Variants in PNPT1 observed in about 807,000 individuals in gnomAD.
The protein encoded by PNPT1 is polyribonucleotide nucleotidyltransferase 1.
In PNPT1, 53 loss-of-function variants were observed where a neutral mutation model predicts 119.5. That is an observed-to-expected ratio of 0.44 (90% CI 0.36 to 0.56). PNPT1 has a LOEUF of 0.56. Ranked by LOEUF, PNPT1 falls within the 20% of genes least tolerant of loss-of-function variation. PNPT1 has a pLI of 0.00. For synonymous variants in PNPT1, 357 were observed against 322.1 expected (o/e 1.11, Z -1.16); for missense variants, 948 against 938.5 (o/e 1.01, Z -0.13).
chr2:55,674,635 G>C (rs1697010059), intron 8 of PNPT1, among the ~76,000 whole-genome samples: 1 of 152,082 alleles, frequency 6.6e-6, no homozygotes, highest in South Asian at 2.1e-4. Context: ...TAAATACAGA[G>C]CAATAAGCTT....
At chr2:55,672,816 C>T in intron 9 of PNPT1, 77 bp downstream of exon 9, 3 of 1,359,652 alleles carry the variant, frequency 2.2e-6, no homozygotes, top group Non-Finnish European at 3.0e-6. Context: ...GGCAGTGCTT[C>T]CATGGGAAGT....
chr2:55,672,142 C>G (rs1400548227), intron 9 of PNPT1, 96 bp from the exon 10 acceptor site: 1 of 894,154 alleles, frequency 1.1e-6, no homozygotes, highest in Non-Finnish European at 1.7e-6. Flanking sequence ...TAATAATCAG[C>G]TAAAACTTTA....
intron 3 of PNPT1, 119 bp downstream of exon 3, chr2:55,686,251 A>C: frequency 1.2e-6 from 1 of 858,106 alleles, no homozygotes; most frequent in Non-Finnish European, 1.8e-6. Flanking sequence ...AAAAACTAGG[A>C]AAAATTCTTT....
chr2:55,636,831 CAG>C (rs1281834065), intron 27 of PNPT1, among the ~76,000 whole-genome samples: 4 of 152,074 alleles, frequency 2.6e-5, no homozygotes, highest in Non-Finnish European at 4.4e-5. Flanking sequence ...AAATGAAAGT[CAG>C]GGGCAAATGC....
At chr2:55,674,307 A>G (rs2104132393) in intron 8 of PNPT1, among the ~76,000 whole-genome samples, 1 of 152,336 alleles carries the variant, frequency 6.6e-6, no homozygotes, top group East Asian at 1.9e-4. Flanking sequence ...AAGAATAAAT[A>G]TAGAGGCTGA....
In PNPT1 at chr2:55,666,861, G is replaced by A. The variant is rs922892315; in HGVS notation, c.1176+130C>T. The A allele has an allele frequency of 8.2e-5, 47 of 575,084 alleles. No individual in the cohort carries two copies. The Middle Eastern group carries it at 2.4e-3, about 30-fold the overall frequency. 35.6% of individuals were successfully genotyped at this position (575,084 alleles called of 1,614,324 possible). A position where few individuals can be genotyped will look rare whatever the true frequency, so the allele number is the denominator to read the frequency against. On this transcript the variant is annotated intron_variant, in intron 13 of 27. Coordinates refer to ENST00000447944, the MANE Select transcript of PNPT1 (RefSeq NM_033109.5). ...GTCTCAAACAAAACAAACAAGAACCGCCAGATATTAATTTAAATAAATAAT... is the reference window on the plus strand; with the variant it reads ...GTCTCAAACAAAACAAACAAGAACCACCAGATATTAATTTAAATAAATAAT...
At chr2:55,636,732 A>G (rs563756995) in intron 27 of PNPT1, among the ~76,000 whole-genome samples, 1 of 152,308 alleles carries the variant, frequency 6.6e-6, no homozygotes, top group African/African-American at 2.4e-5. Flanking sequence ...ATTGTGTTAT[A>G]TACTATAGAG....
intron 25 of PNPT1, 85 bp from the exon 26 acceptor site, chr2:55,640,790 GA>G: frequency 2.1e-6 from 2 of 965,392 alleles, no homozygotes; most frequent in South Asian, 1.6e-5. Context: ...TTCATATGAG[GA>G]AAAAGTAAAA....
chr2:55,638,895 C>G (rs1025408240), intron 26 of PNPT1, among the ~76,000 whole-genome samples: 1 of 151,980 alleles, frequency 6.6e-6, no homozygotes, highest in Non-Finnish European at 1.5e-5. Flanking sequence ...CTGCCTCAGC[C>G]TCCAGAGTAG....
intron 25 of PNPT1, among the ~76,000 whole-genome samples, chr2:55,641,728 G>C (rs1695838621): frequency 6.6e-6 from 1 of 151,640 alleles, no homozygotes. Context: ...ATTTCAAATA[G>C]CTTTGAACAT....
In PNPT1 at chr2:55,636,147, C is replaced by A. The variant is rs909915187; in HGVS notation, c.*90G>T. Reference sequence around the variant, plus strand: ...AAATGTATTTATATTATATAGAAATCTACACAATGGAAGATACTACTAAAA... The same window carrying A: ...AAATGTATTTATATTATATAGAAATATACACAATGGAAGATACTACTAAAA... On this transcript the variant is annotated 3_prime_UTR_variant, in exon 28 of 28. Transcript: ENST00000447944. The A allele has an allele frequency of 1.1e-6, 1 of 883,578 alleles. No homozygotes were observed. Among genetic ancestry groups the A allele is most frequent in the African/African-American group, 1.7e-5 (1 of 59,260 alleles). The allele number at this position is 883,578 out of a possible 1,614,324, so 54.7% of individuals were successfully genotyped here.
intron 14 of PNPT1, among the ~76,000 whole-genome samples, chr2:55,661,483 CTT>C (rs1696575345): frequency 1.3e-5 from 2 of 152,158 alleles, no homozygotes; most frequent in African/African-American, 4.8e-5. Context: ...TTACTGTTGA[CTT>C]TTTAGGGGCA....
chr2:55,691,878 A>ATATATTTTTTTT (rs1326804958), intron 1 of PNPT1, among the ~76,000 whole-genome samples: 5 of 33,122 alleles, frequency 1.5e-4, no homozygotes, highest in South Asian at 1.8e-3. Context: ...ATATATATAT[A>ATATATTTTTTTT]TTTTTTTTTT....
intron 8 of PNPT1, among the ~76,000 whole-genome samples, chr2:55,675,231 C>T (rs1270579882): frequency 6.6e-6 from 1 of 151,754 alleles, no homozygotes; most frequent in Non-Finnish European, 1.5e-5. Flanking sequence ...CATGATCACG[C>T]CACTATACTC....
Position 55,684,519 on chromosome 2 carries a change from T to C in PNPT1, c.403+424A>G, listed in dbSNP as rs190425087. ...ATAAATTACATATGATCCCACAATA[T>C]GTAGGGATGTTAAAGATTTGAAAGA... On this transcript the variant is annotated intron_variant, in intron 4 of 27. Coordinates refer to ENST00000447944, the MANE Select transcript of PNPT1 (RefSeq NM_033109.5). 8.9e-4 allele frequency among the ~76,000 whole-genome samples: 136 copies of C among 152,294 alleles called. 2 individuals carry two copies. Among genetic ancestry groups the C allele is most frequent in the Middle Eastern group, 3.4e-3 (1 of 294 alleles).
chr2:55,636,537 C>T (rs1003083696), intron 27 of PNPT1, 145 bp from the exon 28 acceptor site: 69 of 779,018 alleles, frequency 8.9e-5, no homozygotes, highest in Non-Finnish European at 1.3e-4. Context: ...GCTAAGTGGA[C>T]GTATACACTT....
intron 18 of PNPT1, among the ~76,000 whole-genome samples, chr2:55,653,922 C>T (rs368586272): frequency 2.6e-4 from 40 of 152,164 alleles, no homozygotes; most frequent in African/African-American, 7.5e-4. Context: ...TCTTTCTTCT[C>T]GAATAGCAGC....
Position 55,644,652 on chromosome 2 carries a change from G to GT in PNPT1, c.1890dup (p.Leu631ThrfsTer4), listed in dbSNP as rs1250090914. 2 of 1,609,678 alleles carry GT rather than the reference G, an allele frequency of 1.2e-6. No homozygotes were observed. Among genetic ancestry groups the GT allele is most frequent in the Non-Finnish European group, 1.7e-6 (2 of 1,176,432 alleles). The stretch of plus-strand genomic sequence containing the variant: ...CAACTCTTACCTGTTTCAGCCTGAA[G>GT]TTTTTTTAAGTTATAGCCACCAGGT... On this transcript the variant is annotated frameshift_variant, in exon 23 of 28. Transcript: ENST00000447944. LOFTEE classifies it high-confidence loss of function.
chr2:55,684,457 C>A (rs1047065919), intron 4 of PNPT1, among the ~76,000 whole-genome samples: 3 of 152,106 alleles, frequency 2.0e-5, no homozygotes, highest in African/African-American at 7.2e-5. Context: ...GAGCAAGACT[C>A]TGTCTCAAAA....
Sources: allele counts gnomAD v4.1 joint callset (sites outside exome capture counted in the v4.1 genomes callset), GRCh38; gene constraint gnomAD v4.1.1; transcripts MANE v1.5; gene names NCBI Gene and HGNC (gene_info 2026-07-23, HGNC 2026-07-21).